Variants in HSPA12A observed in about 807,000 individuals in gnomAD.
HSPA12A encodes the protein heat shock 70 kDa protein 12A.
A neutral mutation model predicts 69.2 loss-of-function variants in HSPA12A; 28 were observed. That is an observed-to-expected ratio of 0.40 (90% CI 0.30 to 0.55). The LOEUF is 0.55. Ranked by LOEUF, HSPA12A falls within the 20% of genes least tolerant of loss-of-function variation. The pLI is 0.38. For missense variants in HSPA12A, 686 were observed against 900.7 expected (o/e 0.76, Z 3.05); for synonymous variants, 345 against 370.5 (o/e 0.93, Z 0.79).
chr10:116,799,589 G>A (rs1408360061), intron 2 of HSPA12A, among the ~76,000 whole-genome samples: 1 of 152,186 alleles, frequency 6.6e-6, no homozygotes, highest in South Asian at 2.1e-4. Flanking sequence ...GGAACTACAA[G>A]CTCCTAATAG....
intron 2 of HSPA12A, among the ~76,000 whole-genome samples, chr10:116,797,145 C>T (rs1173511928): frequency 6.6e-6 from 1 of 152,140 alleles, no homozygotes; most frequent in Non-Finnish European, 1.5e-5. Context: ...CTTTGGAGCC[C>T]CAGAACTCAG....
intron 2 of HSPA12A, among the ~76,000 whole-genome samples, chr10:116,784,682 G>A (rs907882018): frequency 6.6e-6 from 1 of 152,178 alleles, no homozygotes; most frequent in African/African-American, 2.4e-5. Flanking sequence ...TTCCCTCCAC[G>A]TGTTGCCCTT....
chr10:116,709,163 T>C (rs1850348687), intron 1 of HSPA12A, among the ~76,000 whole-genome samples: 1 of 152,154 alleles, frequency 6.6e-6, no homozygotes, highest in Admixed American at 6.5e-5. Flanking sequence ...GATGAAGGGA[T>C]AGGCTGGGCG....
At chr10:116,733,614 T>G (rs1253840532) in intron 1 of HSPA12A, among the ~76,000 whole-genome samples, 1 of 152,160 alleles carries the variant, frequency 6.6e-6, no homozygotes, top group East Asian at 1.9e-4. Flanking sequence ...GGAGTCTCTG[T>G]TTTCTGACAT....
chr10:116,813,430 G>C (rs149135454), intron 2 of HSPA12A, among the ~76,000 whole-genome samples: 1 of 151,464 alleles, frequency 6.6e-6, no homozygotes, highest in African/African-American at 2.4e-5. Flanking sequence ...TGTATTTTTC[G>C]TAGAGACAGG....
At chr10:116,807,193 G>A (rs1384283183) in intron 2 of HSPA12A, among the ~76,000 whole-genome samples, 1 of 152,000 alleles carries the variant, frequency 6.6e-6, no homozygotes, top group Non-Finnish European at 1.5e-5. Context: ...CTTCTCGGTG[G>A]GCTCAGCCAG....
At chr10:116,682,078 T>C (rs1849422981) in intron 7 of HSPA12A, among the ~76,000 whole-genome samples, 1 of 152,178 alleles carries the variant, frequency 6.6e-6, no homozygotes, top group South Asian at 2.1e-4. Flanking sequence ...CCTTCCTCTA[T>C]TCCTCGGCTT....
chr10:116,793,591 C>CA (rs905041417), intron 2 of HSPA12A, among the ~76,000 whole-genome samples: 5 of 114,584 alleles, frequency 4.4e-5, no homozygotes, highest in South Asian at 2.9e-4. Context: ...AACAAACAAA[C>CA]AAAAAAAACC....
Position 116,705,212 on chromosome 10 carries a change from T to C in HSPA12A, c.193A>G (p.Thr65Ala). Reference sequence around the variant, plus strand: ...CTGTAGGCATAGCCACTGGATGTGGTCCCAAAGTCGACGGCCACCACCACG... The same window carrying C: ...CTGTAGGCATAGCCACTGGATGTGGCCCCAAAGTCGACGGCCACCACCACG... ...FLVVVAVDFG[T>A]TSSGYAYSFT... The change falls in exon 3 of 12, where the codon ACC becomes GCC. Residue 65 changes from threonine (T) to alanine (A), a missense_variant. Coordinates refer to ENST00000369209, the MANE Select transcript of HSPA12A (RefSeq NM_025015.3). 1 of 1,614,088 alleles carries C rather than the reference T, an allele frequency of 6.2e-7. No individual in the cohort carries two copies. The highest frequency in any genetic ancestry group is 8.5e-7 in the Non-Finnish European group (1 of 1,180,014).
intron 5 of HSPA12A, among the ~76,000 whole-genome samples, chr10:116,694,021 T>C (rs938689381): frequency 3.3e-5 from 5 of 152,320 alleles, no homozygotes; most frequent in African/African-American, 1.2e-4. Context: ...ATTCTAAGCA[T>C]GGCACCCATT....
At chr10:116,807,955 G>A (rs1015876088) in intron 2 of HSPA12A, among the ~76,000 whole-genome samples, 3 of 152,188 alleles carry the variant, frequency 2.0e-5, no homozygotes, top group African/African-American at 7.2e-5. Flanking sequence ...AGTCAGCACT[G>A]CTGGGCAAGT....
intron 2 of HSPA12A, among the ~76,000 whole-genome samples, chr10:116,825,793 C>T (rs1845491242): frequency 6.6e-6 from 1 of 152,056 alleles, no homozygotes; most frequent in African/African-American, 2.4e-5. Context: ...GTGATGGTTG[C>T]ACAATTCTGT....
At chr10:116,847,605 C>T (rs1845915189) in intron 1 of HSPA12A, among the ~76,000 whole-genome samples, 1 of 152,232 alleles carries the variant, frequency 6.6e-6, no homozygotes, top group East Asian at 1.9e-4. Context: ...CACCCACCTC[C>T]AAAACATCTG....
chr10:116,705,936 C>T (rs376530130), intron 2 of HSPA12A, among the ~76,000 whole-genome samples: 6 of 147,594 alleles, frequency 4.1e-5, no homozygotes, highest in African/African-American at 1.3e-4. Context: ...CGCTCTGTCG[C>T]CCAGGCTGGA....
chr10:116,785,972 T>G (rs1159128634), intron 2 of HSPA12A, among the ~76,000 whole-genome samples: 11 of 152,184 alleles, frequency 7.2e-5, no homozygotes. Flanking sequence ...CATCTCTTTG[T>G]GGCCCTGGGA....
chr10:116,786,931 C>A (rs543049395), intron 2 of HSPA12A, among the ~76,000 whole-genome samples: 14 of 152,136 alleles, frequency 9.2e-5, no homozygotes, highest in African/African-American at 3.1e-4. Context: ...GGAGCCACTG[C>A]ACCCAGCCTC....
chr10:116,676,605 A>G (rs1054249815), intron 10 of HSPA12A, 103 bp from the exon 11 acceptor site: 39 of 929,238 alleles, frequency 4.2e-5, no homozygotes, highest in Non-Finnish European at 6.1e-5. Flanking sequence ...GTCACTTCTT[A>G]GCAGGCAGAA....
chr10:116,780,358 T>A (rs1035314337), intron 2 of HSPA12A, among the ~76,000 whole-genome samples: 29 of 151,502 alleles, frequency 1.9e-4, no homozygotes, highest in Admixed American at 1.6e-3. Flanking sequence ...ATATAATAAT[T>A]ATTATTATTT....
chr10:116,711,549 G>T (rs1451417047), intron 1 of HSPA12A, among the ~76,000 whole-genome samples: 1 of 152,114 alleles, frequency 6.6e-6, no homozygotes, highest in Non-Finnish European at 1.5e-5. Context: ...TTAAATAAAG[G>T]CCTACTCAAA....
Sources: gnomAD v4.1 joint callset for allele counts (sites outside exome capture counted in the v4.1 genomes callset) on GRCh38, gnomAD v4.1.1 for gene constraint, MANE v1.5 for transcripts, NCBI Gene and HGNC (gene_info 2026-07-23, HGNC 2026-07-21) for gene names.